Variants in ZSCAN2 observed in about 807,000 individuals in gnomAD.
ZSCAN2 encodes the protein zinc finger and SCAN domain containing 2, also known as zinc finger and SCAN domain-containing protein 2.
Under a neutral mutation model 47.8 loss-of-function variants are expected in ZSCAN2, and 26 were observed. The ratio of observed to expected loss-of-function variants is 0.54; its 90% CI spans 0.40 to 0.75. The LOEUF (loss-of-function observed/expected upper bound fraction) is 0.75. Ranked by LOEUF, ZSCAN2 falls within the 30% of genes least tolerant of loss-of-function variation. The probability of loss-of-function intolerance (pLI) is 0.00; values close to 1 mark genes in which losing one functional copy is unlikely to be tolerated. For synonymous variants in ZSCAN2, 305 were observed against 288.7 expected, an observed-to-expected ratio of 1.06 and a Z score of -0.57; for missense variants, 732 against 785.4, an observed-to-expected ratio of 0.93 and a Z score of 0.81.
At position 84,620,808 on chromosome 15, in the gene ZSCAN2, G is replaced by C. The variant is rs376408615; in HGVS notation, c.613G>C (p.Glu205Gln). The change falls in exon 3 of 3, where the codon GAA (glutamate) becomes CAA (glutamine). Residue 205 changes from glutamate to glutamine, a missense_variant. Physicochemically the swap from Glu to Gln is conservative, Grantham distance 29 (BLOSUM62 2). This residue lies in a region of ZSCAN2 where 320 missense variants were observed against 287.4 expected (regional missense o/e 1.11). Transcript: ENST00000546148. ...DHGEVVSQDR[E>Q]VGQLIGLQGT... Reference sequence around the variant, plus strand: ...CGGGGAGGTGGTTTCTCAGGACAGGGAAGTTGGCCAGCTCATAGGCCTGCA... The same window carrying C: ...CGGGGAGGTGGTTTCTCAGGACAGGCAAGTTGGCCAGCTCATAGGCCTGCA... 152 of 1,614,234 alleles carry C rather than the reference G, an allele frequency of 9.4e-5. No homozygotes were observed. The highest frequency in any genetic ancestry group is 1.2e-4 in the Non-Finnish European group (146 of 1,180,036).
chr15:84,603,990 AGAGGAAGATAGACAG>A lies in ZSCAN2; in HGVS notation c.69_83del (p.Asp24_Glu28del), dbSNP rs1204756378. 6.2e-7 allele frequency: 1 copy of A among 1,613,912 alleles called. No homozygotes were observed. Among genetic ancestry groups the A allele is most frequent in the Non-Finnish European group, 8.5e-7 (1 of 1,180,018 alleles). On this transcript the variant is annotated inframe_deletion, in exon 2 of 3. Coordinates refer to ENST00000546148, the MANE Select transcript of ZSCAN2 (RefSeq NM_181877.4). ...TGAGCTCCTTGGTCCAGGTGCCTCA[AGAGGAAGATAGACAG>A]GAGGAGGAGGTCACCACCATGATCC...
At chr15:84,607,937 C>CA (rs1241801652) in intron 2 of ZSCAN2, among the ~76,000 whole-genome samples, 2 of 152,194 alleles carry the variant, frequency 1.3e-5, no homozygotes, top group African/African-American at 4.8e-5. Flanking sequence ...CCCTTTTCCC[C>CA]ATCCCCAGTT....
intron 2 of ZSCAN2, among the ~76,000 whole-genome samples, chr15:84,613,745 GCTCA>G (rs1895618819): frequency 6.6e-6 from 1 of 150,516 alleles, no homozygotes; most frequent in African/African-American, 2.5e-5. Flanking sequence ...CACGATCTCT[GCTCA>G]CTGCAACCTC....
Position 84,620,873 on chromosome 15 carries a change from G to C in ZSCAN2, c.678G>C (p.Gln226His). Residue 226 changes from glutamine to histidine, a missense_variant, in exon 3 of 3, where the codon CAG becomes CAC. Gln to His is a conservative substitution (Grantham distance 24). This residue lies in a region of ZSCAN2 where 320 missense variants were observed against 287.4 expected (regional missense o/e 1.11). Coordinates refer to ENST00000546148, the MANE Select transcript of ZSCAN2 (RefSeq NM_181877.4). ...GGGAGAAGCCCTACGAATGTCCCCA[G>C]TGTGGGAAGACCTTCAGCCGGAAAT... is the stretch of plus-strand genomic sequence containing the variant. ...YLGEKPYECPQCGKTFSRKSH... is the reference protein window; with the variant it reads ...YLGEKPYECPHCGKTFSRKSH... The C allele has an allele frequency of 1.2e-6, 2 of 1,614,118 alleles. No individual in the cohort carries two copies. The highest frequency in any genetic ancestry group is 2.2e-5 in the East Asian group (1 of 44,866).
chr15:84,621,411 A>G lies in ZSCAN2; in HGVS notation c.1216A>G (p.Ile406Val). ...GAGGTTCAGCCAGAGTTCAGCCCTCATCACCCACCGGAGAACCCACACAGG... is the reference window on the plus strand; with the variant it reads ...GAGGTTCAGCCAGAGTTCAGCCCTCGTCACCCACCGGAGAACCCACACAGG... ...GQRFSQSSAL[I>V]THRRTHTGEK... Residue 406 changes from isoleucine to valine, a missense_variant, in exon 3 of 3, where the codon ATC (isoleucine) becomes GTC (valine). This residue lies in a region of ZSCAN2 where 412 missense variants were observed against 498.0 expected (regional missense o/e 0.83). Coordinates refer to ENST00000546148, the MANE Select transcript of ZSCAN2 (RefSeq NM_181877.4). The surrounding 1 kb of genome is among the most constrained non-coding windows in gnomAD (Gnocchi z 5.7). The G allele has an allele frequency of 6.2e-7, 1 of 1,614,082 alleles. No homozygotes were observed. The highest frequency in any genetic ancestry group is 1.3e-5 in the African/African-American group (1 of 75,010).
In ZSCAN2 at chr15:84,604,738, C is replaced by CTTT. The variant is rs11459006; in HGVS notation, c.406+420_406+422dup. Among the ~76,000 whole-genome samples, 28 of 129,004 alleles carry CTTT rather than the reference C, an allele frequency of 2.2e-4. 1 individual carries two copies. Among genetic ancestry groups the CTTT allele is most frequent in the African/African-American group, 6.9e-4 (23 of 33,312 alleles). 84.6% of individuals were successfully genotyped at this position (129,004 alleles called of 152,430 possible). ...TCAACATGACTTTTTTTTCTTTTTTCTTTTTTTTTTTTTTTTTGAAACGGA... is the reference window on the plus strand; with the variant it reads ...TCAACATGACTTTTTTTTCTTTTTTCTTTTTTTTTTTTTTTTTTTTGAAACGGA... On this transcript the variant is annotated intron_variant, in intron 2 of 2. Transcript: ENST00000546148.
At chr15:84,615,618 A>C (rs185179994) in intron 2 of ZSCAN2, among the ~76,000 whole-genome samples, 187 of 152,216 alleles carry the variant, frequency 1.2e-3, no homozygotes, top group Admixed American at 5.4e-3. Flanking sequence ...ACCTGAGCCA[A>C]CGCGCCTGGC....
chr15:84,619,378 C>T (rs533129537), intron 2 of ZSCAN2, among the ~76,000 whole-genome samples: 8 of 150,984 alleles, frequency 5.3e-5, no homozygotes, highest in Non-Finnish European at 8.8e-5. Flanking sequence ...TGCAGTGAGC[C>T]GAGATCGCGC....
intron 2 of ZSCAN2, among the ~76,000 whole-genome samples, chr15:84,604,952 G>C (rs1029281923): frequency 1.3e-5 from 2 of 151,952 alleles, no homozygotes; most frequent in African/African-American, 2.4e-5. Context: ...TCGCCAGACT[G>C]GTCTCAAGCT....
intron 2 of ZSCAN2, among the ~76,000 whole-genome samples, chr15:84,605,054 T>G (rs1895340421): frequency 6.6e-6 from 1 of 152,202 alleles, no homozygotes; most frequent in Non-Finnish European, 1.5e-5. Flanking sequence ...GTTATTTTTA[T>G]GAAACCAAGA....
At chr15:84,606,949 G>A (rs936724352) in intron 2 of ZSCAN2, 17 of 834,712 alleles carry the variant, frequency 2.0e-5, no homozygotes, top group Admixed American at 5.9e-5. Context: ...ACATAAGGCC[G>A]CGTGACCTCT....
rs1596035804 is a variant in ZSCAN2 at position 84,617,083 on chromosome 15, C to G, written c.407-3519C>G. On this transcript the variant is annotated intron_variant, in intron 2 of 2. Coordinates refer to ENST00000546148, the MANE Select transcript of ZSCAN2 (RefSeq NM_181877.4). ...GTTGCGGGGAGCCAGGATCGCGCCACTGCACTCCAGCCTGGGCAACAAGAG... is the reference window on the plus strand; with the variant it reads ...GTTGCGGGGAGCCAGGATCGCGCCAGTGCACTCCAGCCTGGGCAACAAGAG... 2.6e-5 allele frequency among the ~76,000 whole-genome samples: 4 copies of G among 151,472 alleles called. No individual in the cohort carries two copies. The South Asian group carries it at 8.4e-4, about 32-fold the overall frequency.
chr15:84,622,191 T>A lies in ZSCAN2; in HGVS notation c.*151T>A. The stretch of plus-strand genomic sequence containing the variant: ...TTGCTCATCCTCATTTCCAGGACAC[T>A]GTCATTTTAGTGGTCTGAGTCAAGT... On this transcript the variant is annotated 3_prime_UTR_variant, in exon 3 of 3. Coordinates refer to ENST00000546148, the MANE Select transcript of ZSCAN2 (RefSeq NM_181877.4). The A allele has an allele frequency of 1.4e-6, 1 of 723,818 alleles. No homozygotes were observed. Among genetic ancestry groups the A allele is most frequent in the Non-Finnish European group, 2.3e-6 (1 of 428,822 alleles). The allele number at this position is 723,818 out of a possible 1,614,324, so 44.8% of individuals were successfully genotyped here.
intron 1 of ZSCAN2, 98 bp from the exon 2 acceptor site, chr15:84,603,722 A>T: frequency 1.9e-6 from 1 of 528,072 alleles, no homozygotes; most frequent in Admixed American, 3.5e-5. Context: ...TGGTTTGCAT[A>T]TGTAAGGGCC....
intron 2 of ZSCAN2, among the ~76,000 whole-genome samples, chr15:84,608,072 T>A (rs1261874845): frequency 1.3e-5 from 2 of 152,210 alleles, no homozygotes; most frequent in Non-Finnish European, 2.9e-5. Flanking sequence ...ATACTTGTCT[T>A]ATTTCTTCTA....
chr15:84,612,666 C>CA (rs1895585545), intron 2 of ZSCAN2, among the ~76,000 whole-genome samples: 2 of 151,750 alleles, frequency 1.3e-5, no homozygotes, highest in South Asian at 4.2e-4. Context: ...ACCCGGTAGG[C>CA]GGAGCTTGCA....
chr15:84,614,340 A>C (rs1048870917), intron 2 of ZSCAN2: 4 of 152,090 alleles, frequency 2.6e-5, no homozygotes, highest in Non-Finnish European at 4.4e-5. Context: ...ACCAGTTTTA[A>C]ATGTGAATTC....
intron 2 of ZSCAN2, among the ~76,000 whole-genome samples, chr15:84,608,448 G>T (rs948124381): frequency 2.0e-5 from 3 of 150,344 alleles, no homozygotes; most frequent in Non-Finnish European, 4.4e-5. Context: ...CAGGAGAATC[G>T]CTTGAACCTG....
intron 2 of ZSCAN2, among the ~76,000 whole-genome samples, chr15:84,611,281 CA>C (rs1236198805): frequency 2.7e-5 from 4 of 147,842 alleles, no homozygotes; most frequent in Non-Finnish European, 4.5e-5. Context: ...ACTCCGTCTC[CA>C]AAAAAAAAAT....
Sources: gnomAD v4.1 joint callset for allele counts (sites outside exome capture counted in the v4.1 genomes callset) on GRCh38, gnomAD v4.1.1 for gene constraint, gnomAD v4.1.1 regional missense constraint, Gnocchi (gnomAD v3.1) non-coding constraint, MANE v1.5 for transcripts, NCBI Gene and HGNC (gene_info 2026-07-23, HGNC 2026-07-21) for gene names.